RGSL1: variants seen among roughly 807,000 people sequenced by gnomAD.
The protein encoded by RGSL1 is regulator of G protein signaling like 1, also known as regulator of G protein signaling protein-like.
RGSL1 carries 97 observed loss-of-function variants against 124.7 expected under a neutral mutation model. The observed-to-expected ratio is 0.78, with a 90% CI of 0.66 to 0.92. RGSL1 has a LOEUF of 0.92. Among genes scored for constraint, RGSL1 ranks in the 40% least tolerant of loss-of-function variants. RGSL1 has a pLI of 0.00. For synonymous variants in RGSL1, 424 were observed against 438.1 expected, an observed-to-expected ratio of 0.97 and a Z score of 0.40; for missense variants, 1,233 against 1,288.4, an observed-to-expected ratio of 0.96 and a Z score of 0.66.
chr1:182,537,384 A>G (rs266529), intron 14 of RGSL1, among the ~76,000 whole-genome samples: 14,009 of 152,280 alleles, frequency 0.092, 799 homozygotes, highest in Non-Finnish European at 0.13. Flanking sequence ...CTCATTGTGT[A>G]TATGCACATA....
intron 9 of RGSL1, among the ~76,000 whole-genome samples, chr1:182,497,349 T>A (rs929584577): frequency 3.4e-5 from 5 of 148,362 alleles, no homozygotes; most frequent in Non-Finnish European, 7.4e-5. Flanking sequence ...TTTTTATATC[T>A]CCTGATATAA....
chr1:182,460,741 G>A (rs1303817142), intron 4 of RGSL1: 1 of 455,878 alleles, frequency 2.2e-6, no homozygotes, highest in East Asian at 6.9e-5. Context: ...AATTGTACTG[G>A]CAGAATCTGT....
At chr1:182,486,841 A>C (rs1160387221) in intron 6 of RGSL1, among the ~76,000 whole-genome samples, 2 of 151,930 alleles carry the variant, frequency 1.3e-5, no homozygotes, top group Non-Finnish European at 2.9e-5. Context: ...ATGACAAGCT[A>C]ATTTTGTATC....
chr1:182,461,642 G>A (rs182758802), intron 4 of RGSL1, among the ~76,000 whole-genome samples: 2 of 151,656 alleles, frequency 1.3e-5, no homozygotes, highest in Non-Finnish European at 2.9e-5. Flanking sequence ...GAACAAAATG[G>A]AAATATTAAT....
intron 2 of RGSL1, among the ~76,000 whole-genome samples, chr1:182,454,312 C>G (rs539520225): frequency 1.6e-4 from 25 of 152,250 alleles, no homozygotes; most frequent in African/African-American, 6.0e-4. Flanking sequence ...CTCATCATAC[C>G]CTCTGCTGAT....
intron 9 of RGSL1, among the ~76,000 whole-genome samples, chr1:182,506,622 CTTAT>C (rs1405638840): frequency 6.6e-6 from 1 of 152,084 alleles, no homozygotes; most frequent in Non-Finnish European, 1.5e-5. Context: ...TAAGTCTAAT[CTTAT>C]TTCTTATATT....
chr1:182,548,217 CT>C, intron 15 of RGSL1, 99 bp from the exon 16 acceptor site: 1 of 1,292,976 alleles, frequency 7.7e-7, no homozygotes, highest in Non-Finnish European at 1.1e-6. Context: ...TAGAACTGGC[CT>C]TGCGTTTTTT....
chr1:182,550,857 C>G, intron 17 of RGSL1: 1 of 503,716 alleles, frequency 2.0e-6, no homozygotes, highest in South Asian at 3.2e-5. Flanking sequence ...ACTGATGGTT[C>G]CAGAAAGAAG....
Position 182,472,403 on chromosome 1 carries a change from A to C in RGSL1, c.309A>C (p.Glu103Asp), listed in dbSNP as rs1558257054. 1.3e-6 allele frequency: 2 copies of C among 1,549,252 alleles called. No homozygotes were observed. Among genetic ancestry groups the C allele is most frequent in the Non-Finnish European group, 1.7e-6 (2 of 1,145,320 alleles). ...SFIKSPEGGEELVDFWILAEN... is the reference protein window; with the variant it reads ...SFIKSPEGGEDLVDFWILAEN... ...CTTCTGTCTCACCCGTAGGTGAAGAATTGGTGGATTTCTGGATCCTTGCTG... is the reference window on the plus strand; with the variant it reads ...CTTCTGTCTCACCCGTAGGTGAAGACTTGGTGGATTTCTGGATCCTTGCTG... The change falls in exon 5 of 22, where the codon GAA becomes GAC. Residue 103 changes from glutamate (E) to aspartate (D), a missense_variant. Transcript: ENST00000294854.
chr1:182,492,693 A>G (rs1655617672), intron 8 of RGSL1, among the ~76,000 whole-genome samples: 1 of 151,482 alleles, frequency 6.6e-6, no homozygotes, highest in South Asian at 2.1e-4. Flanking sequence ...CAGTGGCCCA[A>G]TCTCGGCTCA....
Position 182,473,849 on chromosome 1 carries a change from C to T in RGSL1, c.738C>T (p.Tyr246=). Reference sequence around the variant, plus strand: ...AGTGCCACCACTTTCAGAAACGGTACTCAAGCAGGAAAGCCAAGAGGAAGA... The same window carrying T: ...AGTGCCACCACTTTCAGAAACGGTATTCAAGCAGGAAAGCCAAGAGGAAGA... The part of the protein sequence containing the change: ...IKKCHHFQKR[Y]SSRKAKRKMW... Residue 246 remains tyrosine, a synonymous_variant, in exon 6 of 22, where the codon TAC becomes TAT. Coordinates refer to ENST00000294854, the MANE Select transcript of RGSL1 (RefSeq NM_001137669.2). 1 of 1,551,736 alleles carries T rather than the reference C, an allele frequency of 6.4e-7. No homozygotes were observed. The highest frequency in any genetic ancestry group is 8.7e-7 in the Non-Finnish European group (1 of 1,146,996).
intron 17 of RGSL1, 22 bp from the exon 18 acceptor site, chr1:182,551,078 C>T (rs1020233446): frequency 6.6e-7 from 1 of 1,523,466 alleles, no homozygotes; most frequent in Non-Finnish European, 8.9e-7. Context: ...CCTCCTATGA[C>T]CAGAAGCCAT....
intron 15 of RGSL1, among the ~76,000 whole-genome samples, chr1:182,546,173 C>T (rs943930870): frequency 1.3e-5 from 2 of 151,934 alleles, no homozygotes; most frequent in African/African-American, 4.8e-5. Flanking sequence ...GTAAAAATCT[C>T]AGTACTATTT....
At chr1:182,536,731 T>C (rs555226126) in intron 14 of RGSL1, among the ~76,000 whole-genome samples, 1 of 152,302 alleles carries the variant, frequency 6.6e-6, no homozygotes, top group African/African-American at 2.4e-5. Context: ...CTTACGTGGA[T>C]GGCGGCAGGC....
At chr1:182,450,267 C>T (rs984158970) in intron 1 of RGSL1, 89 bp downstream of exon 1, 131 of 1,430,860 alleles carry the variant, frequency 9.2e-5, no homozygotes, top group Non-Finnish European at 4.9e-5. Flanking sequence ...AGATCTGAGC[C>T]ATTCAGGGGC....
At chr1:182,549,901 T>C (rs983395154) in intron 17 of RGSL1, 5 of 152,224 alleles carry the variant, frequency 3.3e-5, no homozygotes, top group Non-Finnish European at 7.3e-5. Flanking sequence ...TAAGTAGATA[T>C]TCACCCAGAG....
At chr1:182,552,986 C>A (rs1660659134) in intron 18 of RGSL1, among the ~76,000 whole-genome samples, 1 of 152,066 alleles carries the variant, frequency 6.6e-6, no homozygotes, top group African/African-American at 2.4e-5. Context: ...CTCACCACAC[C>A]CTCCGCCTCC....
chr1:182,485,846 G>T (rs560882910), intron 6 of RGSL1, among the ~76,000 whole-genome samples: 1 of 152,238 alleles, frequency 6.6e-6, no homozygotes, highest in South Asian at 2.1e-4. Context: ...ACATATTAGG[G>T]CACATGGATA....
chr1:182,476,966 C>A (rs922935571), intron 6 of RGSL1, among the ~76,000 whole-genome samples: 3 of 152,190 alleles, frequency 2.0e-5, no homozygotes, highest in African/African-American at 4.8e-5. Context: ...AACCAGCTCC[C>A]CATTTTATTT....
Sources: gnomAD v4.1 joint callset for allele counts (sites outside exome capture counted in the v4.1 genomes callset) on GRCh38, gnomAD v4.1.1 for gene constraint, MANE v1.5 for transcripts, NCBI Gene and HGNC (gene_info 2026-07-23, HGNC 2026-07-21) for gene names.